The following CD6 variants were observed in gnomAD, a reference collection of about 807,000 sequenced individuals.
The protein encoded by CD6 is T-cell differentiation antigen CD6.
CD6 carries 53 observed loss-of-function variants against 75.3 expected under a neutral mutation model. The ratio of observed to expected loss-of-function variants is 0.70; its 90% CI spans 0.56 to 0.88. The LOEUF (loss-of-function observed/expected upper bound fraction) is 0.88. Ranked by LOEUF, CD6 falls within the 40% of genes least tolerant of loss-of-function variation. CD6 has a pLI of 0.00. For missense variants in CD6, 770 were observed against 897.1 expected (o/e 0.86, Z 1.81); for synonymous variants, 359 against 381.5 (o/e 0.94, Z 0.69).
At chr11:60,982,702 A>T in intron 1 of CD6, 1 of 456,032 alleles carries the variant, frequency 2.2e-6, no homozygotes, top group Non-Finnish European at 4.4e-6. Context: ...GAAGTATGAC[A>T]ATGTCTGAGC....
intron 5 of CD6, 67 bp from the exon 6 acceptor site, chr11:61,011,003 C>G (rs190800807): frequency 6.9e-7 from 1 of 1,443,002 alleles, no homozygotes; most frequent in Non-Finnish European, 9.8e-7. Flanking sequence ...AGTTTCTAAC[C>G]CAAGGCCTGG....
At chr11:60,988,155 C>T (rs192958231) in intron 1 of CD6, 1 of 152,358 alleles carries the variant, frequency 6.6e-6, no homozygotes, top group East Asian at 1.9e-4. Context: ...CAAGTCATTT[C>T]ATGCTGCGGA....
Position 61,007,869 on chromosome 11 carries a change from C to T in CD6, c.428C>T (p.Ala143Val). 1 of 1,386,042 alleles carries T rather than the reference C, an allele frequency of 7.2e-7. No individual in the cohort carries two copies. Among genetic ancestry groups the T allele is most frequent in the South Asian group, 1.6e-5 (1 of 61,352 alleles). 85.9% of individuals were successfully genotyped at this position (1,386,042 alleles called of 1,614,324 possible). Residue 143 changes from alanine (A) to valine (V), a missense_variant, in exon 3 of 13, where the codon GCG becomes GTG. Ala to Val is a moderately conservative substitution (Grantham distance 64). Transcript: ENST00000313421. This position sits in a 1 kb window ranked among gnomAD's most constrained non-coding sequence, Gnocchi z 4.2. ...EWRLCEVVEH[A>V]CRSDGRRARV... ...CGGCTCTGCGAGGTGGTGGAGCACG[C>T]GTGCCGCAGCGACGGGAGGCGGGCC...
At position 61,019,486 on chromosome 11, in the gene CD6, C is replaced by A; in HGVS notation, c.*168C>A. ...TACCTTGTACCCCTCGGTCTCCATC[C>A]ATCAAGCCAAACCTGCTGCCACAGC... is the stretch of plus-strand genomic sequence containing the variant. On this transcript the variant is annotated 3_prime_UTR_variant, in exon 13 of 13. Coordinates refer to ENST00000313421, the MANE Select transcript of CD6 (RefSeq NM_006725.5). The A allele has an allele frequency of 2.0e-6, 1 of 488,914 alleles. No homozygotes were observed. Among genetic ancestry groups the A allele is most frequent in the Non-Finnish European group, 3.5e-6 (1 of 282,310 alleles). The allele number at this position is 488,914 out of a possible 1,614,324, so 30.3% of individuals were successfully genotyped here.
chr11:61,008,836 G>T lies in CD6; in HGVS notation c.772G>T (p.Val258Leu). The T allele has an allele frequency of 6.5e-7, 1 of 1,542,072 alleles. No homozygotes were observed. Among genetic ancestry groups the T allele is most frequent in the East Asian group, 2.3e-5 (1 of 44,050 alleles). Residue 258 changes from valine to leucine, a missense_variant, in exon 4 of 13, where the codon GTG (valine) becomes TTG (leucine). By Grantham distance (32) the Val-to-Leu change is conservative. Coordinates refer to ENST00000313421, the MANE Select transcript of CD6 (RefSeq NM_006725.5). ...YCGHKEDAGA[V>L]CSEHQSWRLT... ...CGGCCACAAAGAGGACGCGGGCGCG[G>T]TGTGCTCAGGTCAGTGGGCGGAGTC...
chr11:61,011,242 G>T, intron 6 of CD6, 107 bp downstream of exon 6: 1 of 918,046 alleles, frequency 1.1e-6, no homozygotes, highest in Non-Finnish European at 1.7e-6. Context: ...GGATGGTTTG[G>T]TCCTCATCCT....
intron 1 of CD6, among the ~76,000 whole-genome samples, chr11:60,986,123 C>G (rs1395625767): frequency 6.6e-6 from 1 of 152,180 alleles, no homozygotes; most frequent in African/African-American, 2.4e-5. Flanking sequence ...TCACTCCCAC[C>G]CAATGCTAGC....
chr11:60,976,380 C>T (rs527621640), intron 1 of CD6, among the ~76,000 whole-genome samples: 4 of 152,184 alleles, frequency 2.6e-5, no homozygotes, highest in South Asian at 4.1e-4. Flanking sequence ...AAAATTGAAC[C>T]TAAGTCAATT....
chr11:61,019,501 G>A lies in CD6; in HGVS notation c.*183G>A. 2.2e-6 allele frequency: 1 copy of A among 455,500 alleles called. No individual in the cohort carries two copies. The highest frequency in any genetic ancestry group is 3.9e-6 in the Non-Finnish European group (1 of 258,740). The allele number at this position is 455,500 out of a possible 1,614,324, so 28.2% of individuals were successfully genotyped here. On this transcript the variant is annotated 3_prime_UTR_variant, in exon 13 of 13. Coordinates refer to ENST00000313421, the MANE Select transcript of CD6 (RefSeq NM_006725.5). ...GGTCTCCATCCATCAAGCCAAACCT[G>A]CTGCCACAGCCCTCCCCCGGCCCCA... is the stretch of plus-strand genomic sequence containing the variant.
chr11:61,013,555 G>A lies in CD6; in HGVS notation c.1283G>A (p.Gly428Glu). The A allele has an allele frequency of 6.2e-7, 1 of 1,614,126 alleles. No individual in the cohort carries two copies. Among genetic ancestry groups the A allele is most frequent in the African/African-American group, 1.3e-5 (1 of 75,032 alleles). ...FIAFILLRIK[G>E]KYALPVMVNH... ...GCCTTCATCCTCTTGAGAATTAAAG[G>A]AAAATATGGTAAGTGCAAGGTTCTG... The change falls in exon 7 of 13, where the codon GGA becomes GAA. Residue 428 changes from glycine to glutamate, a missense_variant. Coordinates refer to ENST00000313421, the MANE Select transcript of CD6 (RefSeq NM_006725.5).
intron 1 of CD6, chr11:60,982,773 G>C (rs1183285925): frequency 2.2e-6 from 1 of 455,778 alleles, no homozygotes; most frequent in Admixed American, 2.3e-5. Flanking sequence ...AAAGCGAGGT[G>C]CGAAGTGGGG....
intron 1 of CD6, among the ~76,000 whole-genome samples, chr11:60,990,764 T>C (rs1321524650): frequency 6.6e-6 from 1 of 151,982 alleles, no homozygotes; most frequent in East Asian, 1.9e-4. Flanking sequence ...ATGGATGGTA[T>C]TGAGACATGT....
intron 1 of CD6, among the ~76,000 whole-genome samples, chr11:60,995,009 G>A (rs1007741955): frequency 3.3e-5 from 5 of 152,172 alleles, no homozygotes; most frequent in African/African-American, 7.2e-5. Flanking sequence ...TCTTGACAAA[G>A]TAAACTCAGC....
chr11:61,013,487 C>T lies in CD6; in HGVS notation c.1215C>T (p.Ser405=). The T allele has an allele frequency of 1.2e-6, 2 of 1,614,026 alleles. No homozygotes were observed. Among genetic ancestry groups the T allele is most frequent in the Middle Eastern group, 1.6e-4 (1 of 6,062 alleles). Residue 405 remains serine (S), a synonymous_variant, in exon 7 of 13, where the codon TCC becomes TCT. Coordinates refer to ENST00000313421, the MANE Select transcript of CD6 (RefSeq NM_006725.5). ...GGGAGCTAATGCTCCTCATCCCCTC[C>T]ATCGTTCTGGGAATTCTCCTCCTTG... is the stretch of plus-strand genomic sequence containing the variant. The part of the protein sequence containing the change: ...ESRELMLLIP[S]IVLGILLLGS...
chr11:61,008,481 C>T, intron 3 of CD6, 53 bp from the exon 4 acceptor site: 3 of 1,475,900 alleles, frequency 2.0e-6, no homozygotes, highest in South Asian at 1.3e-5. Flanking sequence ...ATCACCCCAA[C>T]CCTCCCTTCC....
In CD6 at chr11:60,996,652, G is replaced by C. The variant is rs375707769; in HGVS notation, c.50-9922G>C. ...TGGTCTGCAGGTTAGCAGGGAGCAC[G>C]CCTCTCCCAAGGTTCGGGGACACTA... On this transcript the variant is annotated intron_variant, in intron 1 of 12. Transcript: ENST00000313421. 3.3e-5 allele frequency among the ~76,000 whole-genome samples: 5 copies of C among 152,300 alleles called. No homozygotes were observed. The East Asian group carries it at 7.7e-4, about 24-fold the overall frequency.
intron 1 of CD6, among the ~76,000 whole-genome samples, chr11:60,993,707 C>T (rs992754598): frequency 1.2e-4 from 19 of 152,166 alleles, no homozygotes; most frequent in Admixed American, 2.6e-4. Context: ...ACGAATTTCC[C>T]GAGAATGGAG....
At chr11:61,015,533 T>C in intron 8 of CD6, 180 bp from the exon 9 acceptor site, 1 of 687,784 alleles carries the variant, frequency 1.5e-6, no homozygotes, top group Non-Finnish European at 2.4e-6. Flanking sequence ...ATGGCACCAC[T>C]GTACTCCAGC....
At chr11:60,994,864 G>A (rs758835874) in intron 1 of CD6, among the ~76,000 whole-genome samples, 2 of 152,178 alleles carry the variant, frequency 1.3e-5, no homozygotes, top group Non-Finnish European at 2.9e-5. Context: ...TCCTCTGGGC[G>A]CCAGGGGAGA....
Sources: gnomAD v4.1 joint callset for allele counts (sites outside exome capture counted in the v4.1 genomes callset) on GRCh38, gnomAD v4.1.1 for gene constraint, Gnocchi (gnomAD v3.1) non-coding constraint, MANE v1.5 for transcripts, NCBI Gene and HGNC (gene_info 2026-07-23, HGNC 2026-07-21) for gene names.